Variants in ARHGAP39 observed in about 807,000 individuals in gnomAD.
ARHGAP39 encodes rho GTPase-activating protein 39.
ARHGAP39 carries 44 observed loss-of-function variants against 106.9 expected under a neutral mutation model. The ratio of observed to expected loss-of-function variants is 0.41; its 90% CI spans 0.32 to 0.53. The LOEUF is 0.53. Among genes scored for constraint, ARHGAP39 ranks in the 20% least tolerant of loss-of-function variants. The probability of loss-of-function intolerance (pLI) is 0.21; values close to 1 mark genes in which losing one functional copy is unlikely to be tolerated. For synonymous variants in ARHGAP39, 768 were observed against 693.2 expected (o/e 1.11, Z -1.69); for missense variants, 1,496 against 1,577.3 (o/e 0.95, Z 0.87).
intron 1 of ARHGAP39, among the ~76,000 whole-genome samples, chr8:144,606,071 G>A (rs1172590370): frequency 2.0e-5 from 3 of 152,194 alleles, no homozygotes; most frequent in Non-Finnish European, 2.9e-5. Context: ...GACCTGCTCC[G>A]CCCTCACTCT....
At chr8:144,555,706 C>T in intron 3 of ARHGAP39, 63 bp from the exon 4 acceptor site, 4 of 1,426,304 alleles carry the variant, frequency 2.8e-6, no homozygotes, top group Non-Finnish European at 9.8e-7. Context: ...TAACCAGCCA[C>T]TCCCTGACTT....
In ARHGAP39 at chr8:144,548,213, C is replaced by T. The variant is rs555858302; in HGVS notation, c.873G>A (p.Gln291=). ...LPGSSSPLLA[Q]PRKPSGDSQP... ...GCGAGTCCCCGGAGGGCTTTCGGGG[C>T]TGGGCCAGCAGCGGGGAGCTGCTCC... Residue 291 remains glutamine (Q), a synonymous_variant, in exon 5 of 12, where the codon CAG becomes CAA. Transcript: ENST00000377307. This position sits in a 1 kb window ranked among gnomAD's most constrained non-coding sequence, Gnocchi z 7.4. The T allele has an allele frequency of 3.7e-5, 60 of 1,600,388 alleles. No homozygotes were observed. The highest frequency in any genetic ancestry group is 5.1e-5 in the Non-Finnish European group (60 of 1,172,578).
intron 1 of ARHGAP39, among the ~76,000 whole-genome samples, chr8:144,640,657 A>G (rs1821288609): frequency 1.3e-5 from 2 of 152,274 alleles, no homozygotes; most frequent in Non-Finnish European, 2.9e-5. Context: ...ATGTAGATTT[A>G]GCAGAAACAA....
rs760703151 is a variant in ARHGAP39, at chr8:144,548,202, G to C, written c.884C>G (p.Pro295Arg). 6.3e-7 allele frequency: 1 copy of C among 1,593,118 alleles called. No homozygotes were observed. The highest frequency in any genetic ancestry group is 8.6e-7 in the Non-Finnish European group (1 of 1,168,870). Reference protein sequence around the residue: ...SSPLLAQPRKPSGDSQPSSPR... With the variant: ...SSPLLAQPRKRSGDSQPSSPR... ...GGAGGAGGGCTGCGAGTCCCCGGAG[G>C]GCTTTCGGGGCTGGGCCAGCAGCGG... The change falls in exon 5 of 12, where the codon CCC (proline) becomes CGC (arginine). Residue 295 changes from proline (P) to arginine (R), a missense_variant. Physicochemically the swap from Pro to Arg is moderately radical, Grantham distance 103. Around this residue, in one of 4 missense-constraint regions of ARHGAP39, gnomAD observed 905 missense variants for 816.4 expected, o/e 1.11. Coordinates refer to ENST00000377307, the MANE Select transcript of ARHGAP39 (RefSeq NM_025251.3). The surrounding 1 kb of genome is among the most constrained non-coding windows in gnomAD (Gnocchi z 7.4).
At chr8:144,599,893 T>C (rs1440984186) in intron 2 of ARHGAP39, among the ~76,000 whole-genome samples, 2 of 152,144 alleles carry the variant, frequency 1.3e-5, no homozygotes, top group Non-Finnish European at 2.9e-5. Flanking sequence ...AATTATCAGA[T>C]GAGCAAGTGA....
chr8:144,604,230 C>A lies in ARHGAP39; in HGVS notation c.80+1305G>T, dbSNP rs917328535. ...TGCACCTCGGGGGGTGCGGGCGAGG[C>A]CTCTGTCGGGGTCAGAGGTCATGTT... On this transcript the variant is annotated intron_variant, in intron 2 of 11. Coordinates refer to ENST00000377307, the MANE Select transcript of ARHGAP39 (RefSeq NM_025251.3). This position sits in a 1 kb window ranked among gnomAD's most constrained non-coding sequence, Gnocchi z 4.1. Among the ~76,000 whole-genome samples the A allele has an allele frequency of 2.6e-5, 4 of 152,142 alleles. No individual in the cohort carries two copies. Among genetic ancestry groups the A allele is most frequent in the African/African-American group, 9.7e-5 (4 of 41,432 alleles).
intron 1 of ARHGAP39, among the ~76,000 whole-genome samples, chr8:144,620,909 C>T (rs1820791725): frequency 6.6e-6 from 1 of 152,252 alleles, no homozygotes; most frequent in South Asian, 2.1e-4. Flanking sequence ...GGTGAAGGTG[C>T]CGGGAAGGAA....
chr8:144,552,285 G>A (rs1010989978), intron 4 of ARHGAP39, among the ~76,000 whole-genome samples: 8 of 152,352 alleles, frequency 5.3e-5, no homozygotes, highest in African/African-American at 1.9e-4. Flanking sequence ...CAAAACCAAA[G>A]CAAAACAAAA....
intron 1 of ARHGAP39, among the ~76,000 whole-genome samples, chr8:144,639,769 G>C (rs1050478466): frequency 2.0e-5 from 3 of 152,124 alleles, no homozygotes; most frequent in African/African-American, 7.2e-5. Context: ...GACACAAACA[G>C]GCCTCTCAAT....
At chr8:144,696,242 G>T in the ARHGAP39 span, among the ~76,000 whole-genome samples, 2 of 152,102 alleles carry the variant, frequency 1.3e-5, no homozygotes, top group Non-Finnish European at 2.9e-5. Flanking sequence ...GGGTTCAAGC[G>T]ATTCTCATGC....
At chr8:144,617,216 A>C (rs1820658878) in intron 1 of ARHGAP39, among the ~76,000 whole-genome samples, 1 of 152,030 alleles carries the variant, frequency 6.6e-6, no homozygotes, top group African/African-American at 2.4e-5. Flanking sequence ...AAAAAAAAAA[A>C]AACACCAAAA....
rs542854582 is a variant in ARHGAP39 at position 144,649,453 on chromosome 8, AAAT to A, written c.-82+36230_-82+36232del. On this transcript the variant is annotated intron_variant, in intron 1 of 11. Coordinates refer to ENST00000377307, the MANE Select transcript of ARHGAP39 (RefSeq NM_025251.3). ...TGACAGAGCGAGACTCCGTCTCAAA[AAAT>A]AATAATAATAAATAATAGAAATGAC... 1.3e-4 allele frequency among the ~76,000 whole-genome samples: 20 copies of A among 152,046 alleles called. 1 individual carries two copies. In the South Asian group the frequency reaches 3.7e-3, roughly 28 times the overall value.
intron 3 of ARHGAP39, among the ~76,000 whole-genome samples, chr8:144,569,476 A>G (rs1434650639): frequency 6.6e-6 from 1 of 152,270 alleles, no homozygotes; most frequent in African/African-American, 2.4e-5. Context: ...CTACGGATAC[A>G]TGTAACAACA....
chr8:144,626,601 G>A (rs1359583576), intron 1 of ARHGAP39, among the ~76,000 whole-genome samples: 2 of 151,162 alleles, frequency 1.3e-5, no homozygotes, highest in Non-Finnish European at 3.0e-5. Flanking sequence ...CTGTCCCGGC[G>A]GCCCCGTTCA....
At chr8:144,537,623 C>T (rs978433436) in intron 7 of ARHGAP39, 98 bp downstream of exon 7, 12 of 1,005,410 alleles carry the variant, frequency 1.2e-5, no homozygotes, top group South Asian at 4.4e-5. Flanking sequence ...CCATCCCCCC[C>T]GCCCAGAAGC....
chr8:144,618,207 C>A (rs1563710775), intron 1 of ARHGAP39, among the ~76,000 whole-genome samples: 1 of 152,230 alleles, frequency 6.6e-6, no homozygotes, highest in East Asian at 1.9e-4. Context: ...GCAAAGCCCA[C>A]CCGAGCCCAG....
At chr8:144,611,464 T>G (rs946599973) in intron 1 of ARHGAP39, among the ~76,000 whole-genome samples, 1 of 152,224 alleles carries the variant, frequency 6.6e-6, no homozygotes, top group Non-Finnish European at 1.5e-5. Context: ...CAACTACAAC[T>G]GTGGATTTGT....
At chr8:144,640,254 G>A (rs1475447045) in intron 1 of ARHGAP39, among the ~76,000 whole-genome samples, 1 of 152,188 alleles carries the variant, frequency 6.6e-6, no homozygotes, top group African/African-American at 2.4e-5. Context: ...CATGGCACAT[G>A]ATGTGGTTTG....
intron 1 of ARHGAP39, among the ~76,000 whole-genome samples, chr8:144,622,799 C>T (rs532581541): frequency 4.6e-5 from 7 of 152,384 alleles, no homozygotes; most frequent in South Asian, 2.1e-4. Context: ...GAAGGCCCCG[C>T]GCAGGAGGGC....
Sources: allele counts gnomAD v4.1 joint callset (sites outside exome capture counted in the v4.1 genomes callset), GRCh38; gene constraint gnomAD v4.1.1; regional missense constraint gnomAD v4.1.1; non-coding constraint Gnocchi (gnomAD v3.1); transcripts MANE v1.5; gene names NCBI Gene and HGNC (gene_info 2026-07-23, HGNC 2026-07-21).